CSMD3: variants seen among roughly 807,000 people sequenced by gnomAD.
CSMD3 encodes the protein CUB and Sushi multiple domains 3, also known as CUB and sushi domain-containing protein 3.
In CSMD3, 177 loss-of-function variants were observed where a neutral mutation model predicts 435.2. The observed-to-expected ratio is 0.41, with a 90% CI of 0.36 to 0.46. CSMD3 has a LOEUF of 0.46. Ranked by LOEUF, CSMD3 falls within the 20% of genes least tolerant of loss-of-function variation. The probability of loss-of-function intolerance (pLI) is 0.34; values close to 1 mark genes in which losing one functional copy is unlikely to be tolerated. For synonymous variants in CSMD3, 1,656 were observed against 1,520.5 expected, an observed-to-expected ratio of 1.09 and a Z score of -2.07; for missense variants, 4,265 against 4,504.6, an observed-to-expected ratio of 0.95 and a Z score of 1.52.
chr8:113,434,089 A>T (rs2094691043), intron 1 of CSMD3, among the ~76,000 whole-genome samples: 1 of 152,166 alleles, frequency 6.6e-6, no homozygotes, highest in African/African-American at 2.4e-5. Context: ...ACTTTATCTT[A>T]CACTCCGAGG....
intron 12 of CSMD3, among the ~76,000 whole-genome samples, chr8:112,817,852 T>G (rs1338697181): frequency 2.6e-5 from 4 of 152,122 alleles, no homozygotes; most frequent in Non-Finnish European, 5.9e-5. Context: ...ATTACAATGC[T>G]TTCTCTATTG....
At chr8:112,411,121 T>A (rs1025499515) in intron 32 of CSMD3, among the ~76,000 whole-genome samples, 1 of 108,544 alleles carries the variant, frequency 9.2e-6, no homozygotes, top group South Asian at 2.9e-4. Context: ...AAAAAATTCA[T>A]CTTTTTTTTT....
intron 59 of CSMD3, among the ~76,000 whole-genome samples, chr8:112,271,099 A>C (rs975731897): frequency 3.3e-5 from 5 of 152,130 alleles, no homozygotes. Context: ...GATTATGTAC[A>C]AGATTCAACG....
At chr8:113,026,724 T>C (rs1199386486) in intron 5 of CSMD3, among the ~76,000 whole-genome samples, 2 of 152,156 alleles carry the variant, frequency 1.3e-5, no homozygotes, top group African/African-American at 2.4e-5. Flanking sequence ...TAGGTCAATA[T>C]TTCAATTTAT....
At chr8:112,978,546 A>C (rs2130949260) in intron 6 of CSMD3, among the ~76,000 whole-genome samples, 1 of 152,044 alleles carries the variant, frequency 6.6e-6, no homozygotes, top group South Asian at 2.1e-4. Flanking sequence ...TCCCAATCTT[A>C]AAATATTTAG....
intron 11 of CSMD3, among the ~76,000 whole-genome samples, chr8:112,854,397 G>A (rs1360560839): frequency 3.3e-5 from 5 of 152,126 alleles, no homozygotes; most frequent in Non-Finnish European, 5.9e-5. Flanking sequence ...TGGGGAGAGG[G>A]CAAGGGGTTG....
chr8:112,510,074 T>C (rs1320403877), intron 28 of CSMD3, among the ~76,000 whole-genome samples: 1 of 152,198 alleles, frequency 6.6e-6, no homozygotes, highest in South Asian at 2.1e-4. Context: ...TGCATCCTTA[T>C]ATCCAATCTA....
intron 5 of CSMD3, among the ~76,000 whole-genome samples, chr8:113,022,423 T>C (rs979789896): frequency 1.3e-5 from 2 of 152,068 alleles, no homozygotes; most frequent in Non-Finnish European, 2.9e-5. Flanking sequence ...GGAAATATGA[T>C]AGTAAGCAAG....
At chr8:112,797,743 C>T (rs1431842828) in intron 13 of CSMD3, among the ~76,000 whole-genome samples, 1 of 151,682 alleles carries the variant, frequency 6.6e-6, no homozygotes, top group Non-Finnish European at 1.5e-5. Context: ...ACTATGTGCA[C>T]ATCAAAATTT....
chr8:113,139,256 A>T (rs2091490340), intron 4 of CSMD3, among the ~76,000 whole-genome samples: 1 of 151,034 alleles, frequency 6.6e-6, no homozygotes, highest in Non-Finnish European at 1.5e-5. Flanking sequence ...GAAAAAATAA[A>T]AGAGTAAGCA....
chr8:112,630,248 A>T (rs939949928), intron 22 of CSMD3, among the ~76,000 whole-genome samples: 1 of 152,192 alleles, frequency 6.6e-6, no homozygotes, highest in African/African-American at 2.4e-5. Flanking sequence ...ATCAATAAAA[A>T]TCTAATATAA....
intron 69 of CSMD3, among the ~76,000 whole-genome samples, chr8:112,230,061 T>C (rs1052712960): frequency 6.6e-6 from 1 of 152,154 alleles, no homozygotes; most frequent in African/African-American, 2.4e-5. Flanking sequence ...TAAATGCCGA[T>C]GGCATTCGCA....
rs1194301831 is a variant in CSMD3, at chr8:112,550,774, T to C, written c.4461A>G (p.Gly1487=). 3.1e-6 allele frequency: 5 copies of C among 1,601,792 alleles called. No homozygotes were observed. In the African/African-American group the frequency reaches 4.0e-5, roughly 13 times the overall value. Reference sequence around the variant, plus strand: ...TATGAATTCCTTCAGGAATAAGAGATCCACTAATTTCCTTTAAAAGCATAT... The same window carrying C: ...TATGAATTCCTTCAGGAATAAGAGACCCACTAATTTCCTTTAAAAGCATAT... ...ENDMLLKEIS[G]SLIPEGIHST... The change falls in exon 27 of 71, where the codon GGA becomes GGG. Residue 1487 remains glycine, a synonymous_variant. Transcript: ENST00000297405.
At chr8:112,526,150 A>T (rs575608233) in intron 27 of CSMD3, among the ~76,000 whole-genome samples, 2 of 151,658 alleles carry the variant, frequency 1.3e-5, no homozygotes, top group South Asian at 4.2e-4. Context: ...AAAACTGAAG[A>T]TTTTTAGCAC....
chr8:112,897,569 A>T (rs1428222718), intron 10 of CSMD3, among the ~76,000 whole-genome samples: 1 of 151,234 alleles, frequency 6.6e-6, no homozygotes, highest in African/African-American at 2.4e-5. Flanking sequence ...ATAGTAAATA[A>T]TCTCCCAGAT....
chr8:113,134,167 C>T (rs1468077123), intron 4 of CSMD3, among the ~76,000 whole-genome samples: 1 of 152,010 alleles, frequency 6.6e-6, no homozygotes, highest in Non-Finnish European at 1.5e-5. Flanking sequence ...TGATCAAATA[C>T]CAAAATACTT....
intron 38 of CSMD3, among the ~76,000 whole-genome samples, chr8:112,353,837 C>T (rs1474495576): frequency 5.9e-5 from 9 of 152,146 alleles, no homozygotes; most frequent in Non-Finnish European, 1.3e-4. Flanking sequence ...ACTTTCCTAA[C>T]TCGTTCTACA....
At chr8:112,288,067 A>G (rs1161268685) in intron 57 of CSMD3, among the ~76,000 whole-genome samples, 1 of 151,376 alleles carries the variant, frequency 6.6e-6, no homozygotes, top group African/African-American at 2.5e-5. Flanking sequence ...TGAAAATATA[A>G]GCATTGAAAA....
chr8:112,378,275 A>C (rs1461195563), intron 38 of CSMD3, among the ~76,000 whole-genome samples: 1 of 152,074 alleles, frequency 6.6e-6, no homozygotes, highest in Admixed American at 6.5e-5. Flanking sequence ...AAAAGAAAAA[A>C]AAAACGGAAA....
Sources: gnomAD v4.1 joint callset for allele counts (sites outside exome capture counted in the v4.1 genomes callset) on GRCh38, gnomAD v4.1.1 for gene constraint, MANE v1.5 for transcripts, NCBI Gene and HGNC (gene_info 2026-07-23, HGNC 2026-07-21) for gene names.